The following ABCA13 variants were observed in gnomAD, a reference collection of about 807,000 sequenced individuals.
ABCA13 encodes the protein ATP binding cassette subfamily A member 13.
In ABCA13, 476 loss-of-function variants were observed where a neutral mutation model predicts 478.7. That is an observed-to-expected ratio of 0.99 (90% CI 0.92 to 1.07). The LOEUF (loss-of-function observed/expected upper bound fraction) is 1.07, where lower values mean the gene tolerates loss of function less well. Ranked by LOEUF, ABCA13 falls within the 50% of genes least tolerant of loss-of-function variation. The probability of loss-of-function intolerance (pLI) is 0.00; values close to 1 mark genes in which losing one functional copy is unlikely to be tolerated. For synonymous variants in ABCA13, 2,252 were observed against 2,158.9 expected, an observed-to-expected ratio of 1.04 and a Z score of -1.20; for missense variants, 6,060 against 5,910.6, an observed-to-expected ratio of 1.03 and a Z score of -0.83.
chr7:48,279,133 A>C lies in ABCA13; in HGVS notation c.7939A>C (p.Met2647Leu), dbSNP rs910390381. The change falls in exon 18 of 62, where the codon ATG becomes CTG. Residue 2647 changes from methionine to leucine, a missense_variant. Around this residue, in one of 3 missense-constraint regions of ABCA13, gnomAD observed 4,423 missense variants for 4,309.1 expected, o/e 1.03. Coordinates refer to ENST00000435803, the MANE Select transcript of ABCA13 (RefSeq NM_152701.5). ...TGCTGAATTTTTAACATCTGTGAAA[A>C]TGAACTTGGAAGATATGAGGAGTCT... Reference protein sequence around the residue: ...EIAEFLTSVKMNLEDMRSLAV... With the variant: ...EIAEFLTSVKLNLEDMRSLAV... The C allele has an allele frequency of 3.7e-6, 6 of 1,608,434 alleles. No individual in the cohort carries two copies. Among genetic ancestry groups the C allele is most frequent in the Admixed American group, 1.7e-5 (1 of 59,384 alleles).
chr7:48,190,807 AATAG>A (rs1562736646), intron 1 of ABCA13, among the ~76,000 whole-genome samples: 4 of 152,194 alleles, frequency 2.6e-5, no homozygotes. Flanking sequence ...GTATTTTGTA[AATAG>A]ATAGTTTATC....
rs201540790 is a variant in ABCA13 at position 48,350,241 on chromosome 7, G to GT, written c.10205-394dup. ...AAAATGACTGCTTCAGGGAAGGCGT[G>GT]TTTTTTTTAGAATTGCTTGACTCCA... On this transcript the variant is annotated intron_variant, in intron 29 of 61. Coordinates refer to ENST00000435803, the MANE Select transcript of ABCA13 (RefSeq NM_152701.5). Among the ~76,000 whole-genome samples, 124 of 151,942 alleles carry GT rather than the reference G, an allele frequency of 8.2e-4. 1 individual carries two copies. The highest frequency in any genetic ancestry group is 2.6e-3 in the African/African-American group (106 of 41,432).
At chr7:48,326,965 G>A (rs1804423192) in intron 27 of ABCA13, among the ~76,000 whole-genome samples, 1 of 152,166 alleles carries the variant, frequency 6.6e-6, no homozygotes, top group African/African-American at 2.4e-5. Flanking sequence ...CAACAGAGCA[G>A]GACAGATAGA....
At chr7:48,441,360 A>G (rs1585335446) in intron 42 of ABCA13, among the ~76,000 whole-genome samples, 1 of 151,898 alleles carries the variant, frequency 6.6e-6, no homozygotes, top group Non-Finnish European at 1.5e-5. Context: ...CTCAAAGATT[A>G]CTCTTTTGTT....
intron 15 of ABCA13, among the ~76,000 whole-genome samples, chr7:48,266,187 T>G (rs1794848308): frequency 6.6e-6 from 1 of 151,766 alleles, no homozygotes; most frequent in African/African-American, 2.4e-5. Context: ...AAATTTTGTT[T>G]AACATTTTGC....
chr7:48,322,301 G>A (rs1418599037), intron 27 of ABCA13, among the ~76,000 whole-genome samples: 3 of 152,206 alleles, frequency 2.0e-5, no homozygotes, highest in Non-Finnish European at 4.4e-5. Flanking sequence ...GTCTTCCCAT[G>A]CTGCTCAAGA....
rs556146509 is a variant in ABCA13, at chr7:48,259,497, C to T, written c.2006-9483C>T. 1.3e-4 allele frequency among the ~76,000 whole-genome samples: 20 copies of T among 152,126 alleles called. No homozygotes were observed. In the South Asian group the frequency reaches 2.9e-3, roughly 22 times the overall value. ...TTTTCTTTCAGCTTATGGGTGTCAT[C>T]GCATGTGAGATGGGTCTCTTGAAGA... On this transcript the variant is annotated intron_variant, in intron 15 of 61. Coordinates refer to ENST00000435803, the MANE Select transcript of ABCA13 (RefSeq NM_152701.5).
At chr7:48,574,152 A>C (rs1787941118) in intron 55 of ABCA13, among the ~76,000 whole-genome samples, 1 of 152,150 alleles carries the variant, frequency 6.6e-6, no homozygotes, top group Non-Finnish European at 1.5e-5. Context: ...GATTCAACCC[A>C]TAACAACTGA....
chr7:48,406,656 T>G (rs1372991444), intron 39 of ABCA13, among the ~76,000 whole-genome samples: 4 of 152,068 alleles, frequency 2.6e-5, no homozygotes, highest in Non-Finnish European at 5.9e-5. Flanking sequence ...GTGGATCACT[T>G]GAACTCAGGA....
At chr7:48,189,369 A>G (rs1452841581) in intron 1 of ABCA13, among the ~76,000 whole-genome samples, 1 of 152,246 alleles carries the variant, frequency 6.6e-6, no homozygotes, top group East Asian at 1.9e-4. Context: ...AGCCACTCAC[A>G]CACAATGGAA....
chr7:48,283,448 G>A (rs1797319349), intron 19 of ABCA13, among the ~76,000 whole-genome samples: 1 of 152,172 alleles, frequency 6.6e-6, no homozygotes, highest in Admixed American at 6.5e-5. Context: ...GCAGTTCAGG[G>A]TGAGGACATT....
intron 8 of ABCA13, among the ~76,000 whole-genome samples, chr7:48,237,176 T>C (rs1233629919): frequency 1.3e-5 from 2 of 152,114 alleles, no homozygotes; most frequent in Non-Finnish European, 2.9e-5. Flanking sequence ...ATGTTATCTA[T>C]AGGAGCAATT....
intron 58 of ABCA13, among the ~76,000 whole-genome samples, chr7:48,610,937 G>C (rs184230559): frequency 1.3e-5 from 2 of 152,278 alleles, no homozygotes; most frequent in East Asian, 3.9e-4. Context: ...TGATGCGAGG[G>C]GGGCTGCCTA....
intron 39 of ABCA13, among the ~76,000 whole-genome samples, chr7:48,409,611 A>G (rs1209317092): frequency 6.6e-6 from 1 of 152,176 alleles, no homozygotes; most frequent in Non-Finnish European, 1.5e-5. Context: ...AATAATGAAT[A>G]CATGTGGTTA....
At chr7:48,343,849 T>C (rs541665518) in intron 29 of ABCA13, among the ~76,000 whole-genome samples, 1 of 152,326 alleles carries the variant, frequency 6.6e-6, no homozygotes, top group Admixed American at 6.5e-5. Flanking sequence ...AAGTGGGGTT[T>C]CCTCAATATG....
chr7:48,616,102 A>T (rs1043123710), intron 59 of ABCA13, among the ~76,000 whole-genome samples: 1 of 152,152 alleles, frequency 6.6e-6, no homozygotes, highest in African/African-American at 2.4e-5. Context: ...TTATTCATTT[A>T]TGTTGATAAA....
intron 48 of ABCA13, among the ~76,000 whole-genome samples, chr7:48,505,069 G>A (rs900636177): frequency 1.5e-4 from 23 of 152,276 alleles, no homozygotes; most frequent in East Asian, 7.7e-4. Context: ...CACACACTGC[G>A]AGCCTGGACC....
chr7:48,517,222 GTCATTGAAACATGCCCTC>G (rs1230630566), intron 52 of ABCA13, among the ~76,000 whole-genome samples: 5 of 152,092 alleles, frequency 3.3e-5, no homozygotes, highest in African/African-American at 1.2e-4. Flanking sequence ...GGAAGAGTGA[GTCATTGAAACATGCCCTC>G]TCAATGTTCA....
chr7:48,326,205 TGGAAGAGAAAATCCCTCTTCCTTCACTG>T (rs1487470163), intron 27 of ABCA13, among the ~76,000 whole-genome samples: 69 of 152,336 alleles, frequency 4.5e-4, no homozygotes, highest in African/African-American at 1.6e-3. Context: ...CACTGGAATC[TGGAAGAGAAAATCCCTCTTCCTTCACTG>T]TCCCTCCAGA....
Sources: gnomAD v4.1 joint callset for allele counts (sites outside exome capture counted in the v4.1 genomes callset) on GRCh38, gnomAD v4.1.1 for gene constraint, gnomAD v4.1.1 regional missense constraint, MANE v1.5 for transcripts, NCBI Gene and HGNC (gene_info 2026-07-23, HGNC 2026-07-21) for gene names.